The following PLXNA4 variants were observed in gnomAD, a reference collection of about 807,000 sequenced individuals.
PLXNA4 encodes the protein plexin A4, also known as plexin-A4.
A neutral mutation model predicts 191.8 loss-of-function variants in PLXNA4; 44 were observed. The ratio of observed to expected loss-of-function variants is 0.23; its 90% CI spans 0.18 to 0.29. The LOEUF is 0.29. Ranked by LOEUF, PLXNA4 falls within the 10% of genes least tolerant of loss-of-function variation. The probability of loss-of-function intolerance (pLI) is 1.00; values close to 1 mark genes in which losing one functional copy is unlikely to be tolerated. For missense variants in PLXNA4, 1,800 were observed against 2,488.8 expected (o/e 0.72, Z 5.89); for synonymous variants, 1,082 against 1,009.5 (o/e 1.07, Z -1.36).
intron 3 of PLXNA4, among the ~76,000 whole-genome samples, chr7:132,427,528 C>T (rs1795093122): frequency 6.6e-6 from 1 of 152,228 alleles, no homozygotes; most frequent in African/African-American, 2.4e-5. Flanking sequence ...GGGCCCTCAC[C>T]TCCACCCCTA....
intron 4 of PLXNA4, among the ~76,000 whole-genome samples, chr7:132,283,874 G>A (rs1288028318): frequency 2.6e-5 from 4 of 152,206 alleles, no homozygotes; most frequent in Admixed American, 6.5e-5. Context: ...CTATAGTCAA[G>A]ATATCCACTT....
chr7:132,618,585 G>A (rs1195552803), intron 2 of PLXNA4, among the ~76,000 whole-genome samples: 1 of 152,182 alleles, frequency 6.6e-6, no homozygotes, highest in African/African-American at 2.4e-5. Flanking sequence ...TGCCTCTCCG[G>A]TTTTTCCTCC....
At chr7:132,562,735 CCTT>C (rs1713853340) in intron 1 of PLXNA4, among the ~76,000 whole-genome samples, 1 of 123,236 alleles carries the variant, frequency 8.1e-6, no homozygotes, top group Admixed American at 7.7e-5. Context: ...TCGTCCTCCT[CCTT>C]CTCCTCCTCC....
intron 3 of PLXNA4, among the ~76,000 whole-genome samples, chr7:132,379,354 C>A (rs1360170756): frequency 6.6e-6 from 1 of 151,178 alleles, no homozygotes; most frequent in African/African-American, 2.4e-5. Context: ...GAGCCTACCA[C>A]GCAAGGGAGA....
At chr7:132,461,505 G>A (rs1426811597) in intron 3 of PLXNA4, among the ~76,000 whole-genome samples, 9 of 152,200 alleles carry the variant, frequency 5.9e-5, no homozygotes, top group African/African-American at 2.2e-4. Context: ...TGATGAGAAT[G>A]ATAATAATAA....
chr7:132,239,031 G>A (rs923549078), intron 5 of PLXNA4, among the ~76,000 whole-genome samples: 2 of 152,218 alleles, frequency 1.3e-5, no homozygotes, highest in Non-Finnish European at 2.9e-5. Flanking sequence ...GCACTTGGGG[G>A]CAGGCGCCCA....
At chr7:132,484,694 C>T (rs891675346) in intron 3 of PLXNA4, 27 of 1,458,796 alleles carry the variant, frequency 1.9e-5, no homozygotes, top group Non-Finnish European at 2.5e-5. Flanking sequence ...TGTTCCTAGT[C>T]TATTTGGTGT....
chr7:132,341,315 C>T (rs967796365), intron 3 of PLXNA4, among the ~76,000 whole-genome samples: 1 of 152,040 alleles, frequency 6.6e-6, no homozygotes, highest in Non-Finnish European at 1.5e-5. Context: ...ACCAATTGTA[C>T]AGCACACTAT....
At chr7:132,149,495 C>T (rs1170874107) in intron 25 of PLXNA4, among the ~76,000 whole-genome samples, 3 of 152,202 alleles carry the variant, frequency 2.0e-5, no homozygotes, top group Admixed American at 1.3e-4. Flanking sequence ...ATGTGCATGT[C>T]AGACACACAT....
chr7:132,327,436 A>G (rs1020806989), intron 3 of PLXNA4, among the ~76,000 whole-genome samples: 4 of 152,224 alleles, frequency 2.6e-5, no homozygotes, highest in Non-Finnish European at 5.9e-5. Flanking sequence ...TTATTATAAA[A>G]TCATATAACA....
chr7:132,275,626 C>T (rs552664496), intron 4 of PLXNA4, among the ~76,000 whole-genome samples: 3 of 152,120 alleles, frequency 2.0e-5, no homozygotes, highest in Admixed American at 1.3e-4. Flanking sequence ...CAGAGAAATG[C>T]CAGTCCCAGA....
intron 3 of PLXNA4, among the ~76,000 whole-genome samples, chr7:132,359,862 C>T (rs748674163): frequency 1.2e-4 from 18 of 152,114 alleles, no homozygotes; most frequent in Non-Finnish European, 2.2e-4. Context: ...TTACAGGGAG[C>T]GGGGAAGTCC....
intron 3 of PLXNA4, chr7:132,383,730 T>C: frequency 2.0e-6 from 2 of 984,210 alleles, no homozygotes; most frequent in South Asian, 9.4e-5. Flanking sequence ...TGTATCTTGG[T>C]GATTATTACC....
chr7:132,389,957 A>G (rs1184774126), intron 3 of PLXNA4, among the ~76,000 whole-genome samples: 1 of 152,238 alleles, frequency 6.6e-6, no homozygotes, highest in Non-Finnish European at 1.5e-5. Context: ...GAATGCTTTT[A>G]CACTGTTGGT....
chr7:132,369,772 A>C (rs569435721), intron 3 of PLXNA4, among the ~76,000 whole-genome samples: 1 of 152,176 alleles, frequency 6.6e-6, no homozygotes, highest in South Asian at 2.1e-4. Context: ...AAGTAGGTAT[A>C]AAAAGATGAT....
rs570623756 is a variant in PLXNA4 at position 132,133,734 on chromosome 7, C to T, written c.5439-535G>A. ...ACTTGCAGCTGTGCACTGCTGTCAA[C>T]TGGTTAAGTAGATGCCAGCATTTAC... is the stretch of plus-strand genomic sequence containing the variant. On this transcript the variant is annotated intron_variant, in intron 30 of 31. Transcript: ENST00000321063. Among the ~76,000 whole-genome samples, 3 of 152,314 alleles carry T rather than the reference C, an allele frequency of 2.0e-5. No homozygotes were observed. In the East Asian group the frequency reaches 5.8e-4, roughly 29 times the overall value.
intron 14 of PLXNA4, among the ~76,000 whole-genome samples, chr7:132,192,834 T>C (rs186286113): frequency 6.6e-6 from 1 of 152,220 alleles, no homozygotes; most frequent in African/African-American, 2.4e-5. Flanking sequence ...CTCTGTCCCC[T>C]AGAACTACTT....
At chr7:132,346,926 T>A (rs1468227772) in intron 3 of PLXNA4, among the ~76,000 whole-genome samples, 1 of 152,150 alleles carries the variant, frequency 6.6e-6, no homozygotes, top group Non-Finnish European at 1.5e-5. Context: ...GGCAGTGAGA[T>A]TTGATCAGTA....
At chr7:132,562,027 CCT>C (rs1801160639) in intron 1 of PLXNA4, among the ~76,000 whole-genome samples, 1 of 90,566 alleles carries the variant, frequency 1.1e-5, no homozygotes. Flanking sequence ...TCCTCCTCCT[CCT>C]TCTCCTCCTC....
Sources: gnomAD v4.1 joint callset for allele counts (sites outside exome capture counted in the v4.1 genomes callset) on GRCh38, gnomAD v4.1.1 for gene constraint, MANE v1.5 for transcripts, NCBI Gene and HGNC (gene_info 2026-07-23, HGNC 2026-07-21) for gene names.